The following SLMAP variants were observed in gnomAD, a reference collection of about 807,000 sequenced individuals.
SLMAP encodes sarcolemma associated protein, also known as sarcolemmal membrane-associated protein.
SLMAP carries 44 observed loss-of-function variants against 128.8 expected under a neutral mutation model. The ratio of observed to expected loss-of-function variants is 0.34; its 90% CI spans 0.27 to 0.44. SLMAP has a LOEUF of 0.44. Ranked by LOEUF, SLMAP falls within the 20% of genes least tolerant of loss-of-function variation. SLMAP has a pLI of 1.00. For missense variants in SLMAP, 787 were observed against 985.3 expected (o/e 0.80, Z 2.69); for synonymous variants, 327 against 348.8 (o/e 0.94, Z 0.70).
At chr3:57,872,754 C>T (rs989538353) in intron 14 of SLMAP, among the ~76,000 whole-genome samples, 26 of 152,206 alleles carry the variant, frequency 1.7e-4, no homozygotes, top group Middle Eastern at 6.8e-3. Context: ...GTAACAATTG[C>T]AAGGTTATGA....
intron 5 of SLMAP, among the ~76,000 whole-genome samples, chr3:57,848,279 CTTCTCCTCCTCT>C (rs1257058980): frequency 1.4e-5 from 2 of 147,706 alleles, no homozygotes; most frequent in Non-Finnish European, 3.0e-5. Flanking sequence ...CTTACTCCAT[CTTCTCCTCCTCT>C]TTCTCCTCCT....
intron 2 of SLMAP, among the ~76,000 whole-genome samples, chr3:57,790,181 T>A (rs1213033462): frequency 6.6e-6 from 1 of 152,178 alleles, no homozygotes; most frequent in East Asian, 1.9e-4. Context: ...TCTTTGCATT[T>A]CTGATGATAG....
intron 17 of SLMAP, chr3:57,898,898 A>G (rs2096302145): frequency 6.6e-6 from 1 of 152,168 alleles, no homozygotes; most frequent in Admixed American, 6.5e-5. Context: ...GCGAAAACCA[A>G]CTTTATAGGT....
chr3:57,912,294 C>T (rs2096719554), intron 19 of SLMAP, 87 bp from the exon 20 acceptor site: 1 of 1,140,392 alleles, frequency 8.8e-7, no homozygotes, highest in South Asian at 1.5e-5. Context: ...ACAGCTCTGA[C>T]AACCCAGGTT....
intron 18 of SLMAP, among the ~76,000 whole-genome samples, chr3:57,908,755 G>A (rs2096624804): frequency 6.6e-6 from 1 of 152,080 alleles, no homozygotes; most frequent in Admixed American, 6.6e-5. Context: ...AGAATTTTAA[G>A]TCTTTTTAAA....
In SLMAP at chr3:57,831,162, G is replaced by A. The variant is rs948344809; in HGVS notation, c.199-221G>A. Among the ~76,000 whole-genome samples, 98 of 152,090 alleles carry A rather than the reference G, an allele frequency of 6.4e-4. 2 individuals carry two copies. Among genetic ancestry groups the A allele is most frequent in the Admixed American group, 6.4e-3 (98 of 15,268 alleles). ...ACCTGACAAACTCTTTTTCCAAAGA[G>A]GTTGTACCGTTTTATGTAGCTGAAT... On this transcript the variant is annotated intron_variant, in intron 2 of 24. Transcript: ENST00000671191.
At chr3:57,913,124 C>A in intron 20 of SLMAP, 34 bp from the exon 21 acceptor site, 1 of 954,986 alleles carries the variant, frequency 1.0e-6, no homozygotes, top group Non-Finnish European at 1.7e-6. Context: ...AGTTATATTT[C>A]TGTATTAACA....
chr3:57,877,920 C>T (rs1335387745), intron 14 of SLMAP, among the ~76,000 whole-genome samples: 3 of 150,784 alleles, frequency 2.0e-5, no homozygotes, highest in Non-Finnish European at 3.0e-5. Flanking sequence ...CTGCAACCTC[C>T]ACCTCCTGGG....
At chr3:57,771,427 C>T (rs1576226109) in intron 2 of SLMAP, among the ~76,000 whole-genome samples, 1 of 152,132 alleles carries the variant, frequency 6.6e-6, no homozygotes, top group African/African-American at 2.4e-5. Flanking sequence ...GATGGAATCT[C>T]GCCATGTTGC....
chr3:57,780,541 A>G (rs1182383102), intron 2 of SLMAP, among the ~76,000 whole-genome samples: 1 of 152,170 alleles, frequency 6.6e-6, no homozygotes, highest in Non-Finnish European at 1.5e-5. Context: ...TTAATCTTAT[A>G]TATCTTGATC....
chr3:57,762,953 A>C (rs1290744877), intron 2 of SLMAP, among the ~76,000 whole-genome samples: 1 of 152,054 alleles, frequency 6.6e-6, no homozygotes, highest in Non-Finnish European at 1.5e-5. Context: ...TGAACTCCTG[A>C]CCTCAGGTGA....
intron 2 of SLMAP, among the ~76,000 whole-genome samples, chr3:57,814,764 A>G (rs538560161): frequency 4.6e-5 from 7 of 152,164 alleles, no homozygotes; most frequent in Admixed American, 1.3e-4. Context: ...ACTTGAGGCC[A>G]GGAGTTTGAG....
chr3:57,774,308 A>G (rs1005623139), intron 2 of SLMAP, among the ~76,000 whole-genome samples: 2 of 152,164 alleles, frequency 1.3e-5, no homozygotes, highest in Non-Finnish European at 2.9e-5. Flanking sequence ...AGCTGCAGCT[A>G]TTTTGAAAGC....
chr3:57,776,455 GCTTT>G (rs2081947952), intron 2 of SLMAP, among the ~76,000 whole-genome samples: 1 of 148,300 alleles, frequency 6.7e-6, no homozygotes, highest in South Asian at 2.1e-4. Context: ...ATCGTTTAAT[GCTTT>G]CTTTGTGAAA....
intron 2 of SLMAP, among the ~76,000 whole-genome samples, chr3:57,798,734 T>C (rs930731837): frequency 5.9e-5 from 9 of 152,174 alleles, no homozygotes; most frequent in African/African-American, 2.2e-4. Context: ...AATCTGAAAA[T>C]CACTTTCAGA....
At position 57,866,624 on chromosome 3, in the gene SLMAP, T is replaced by G. The variant is rs188142733; in HGVS notation, c.1237+1332T>G. Among the ~76,000 whole-genome samples the G allele has an allele frequency of 1.5e-3, 227 of 152,366 alleles. 1 individual carries two copies. The highest frequency in any genetic ancestry group is 2.6e-3 in the Non-Finnish European group (178 of 68,042). On this transcript the variant is annotated intron_variant, in intron 13 of 24. Transcript: ENST00000671191. Reference sequence around the variant, plus strand: ...TGATGGAATTTAAATTTGAGAATTTTTAAAGGTGTAGTTTATATTCATTGC... The same window carrying G: ...TGATGGAATTTAAATTTGAGAATTTGTAAAGGTGTAGTTTATATTCATTGC...
In SLMAP at chr3:57,827,233, C is replaced by T. The variant is rs116010357; in HGVS notation, c.199-4150C>T. ...TGTTGGTGTTTGGATATTGCAAAAC[C>T]TATCAATGTAGAAAGAGTTAAAAAG... On this transcript the variant is annotated intron_variant, in intron 2 of 24. Coordinates refer to ENST00000671191, the MANE Select transcript of SLMAP (RefSeq NM_001377540.1). Among the ~76,000 whole-genome samples the T allele has an allele frequency of 3.9e-3, 588 of 152,138 alleles. 4 individuals carry two copies. Among genetic ancestry groups the T allele is most frequent in the Non-Finnish European group, 6.3e-3 (430 of 68,016 alleles).
intron 2 of SLMAP, among the ~76,000 whole-genome samples, chr3:57,819,004 T>G (rs1427342945): frequency 1.3e-5 from 2 of 152,248 alleles, no homozygotes; most frequent in African/African-American, 4.8e-5. Context: ...TGAGAGCCTC[T>G]GTACTAAACT....
rs762688800 is a variant in SLMAP, at chr3:57,871,643, G to C, written c.1245G>C (p.Leu415Phe). The change falls in exon 14 of 25, where the codon TTG (leucine) becomes TTC (phenylalanine). Residue 415 changes from leucine to phenylalanine, a missense_variant. Physicochemically the swap from Leu to Phe is conservative, Grantham distance 22. Coordinates refer to ENST00000671191, the MANE Select transcript of SLMAP (RefSeq NM_001377540.1). Reference protein sequence around the residue: ...KINGSTEKEHLLSKSGGDCTF... With the variant: ...KINGSTEKEHFLSKSGGDCTF... ...TGTTTCTTTCTTTATTAGAGCACTT[G>C]CTTTCAAAGAGTGGCGGGGACTGCA... The C allele has an allele frequency of 4.7e-5, 76 of 1,612,442 alleles. No individual in the cohort carries two copies. Among genetic ancestry groups the C allele is most frequent in the East Asian group, 8.9e-5 (4 of 44,832 alleles).
Sources: gnomAD v4.1 joint callset for allele counts (sites outside exome capture counted in the v4.1 genomes callset) on GRCh38, gnomAD v4.1.1 for gene constraint, MANE v1.5 for transcripts, NCBI Gene and HGNC (gene_info 2026-07-23, HGNC 2026-07-21) for gene names.